LRRC37A2: variants seen among roughly 807,000 people sequenced by gnomAD.
LRRC37A2 encodes leucine rich repeat containing 37 member A2, also known as leucine-rich repeat-containing protein 37A2.
A neutral mutation model predicts 68.8 loss-of-function variants in LRRC37A2; 9 were observed. The ratio of observed to expected loss-of-function variants is 0.13; its 90% confidence interval spans 0.08 to 0.23. LRRC37A2 has a LOEUF of 0.23. LRRC37A2 is among the 10% of genes least tolerant of loss of function. The probability of loss-of-function intolerance (pLI) is 1.00; values close to 1 mark genes in which losing one functional copy is unlikely to be tolerated. For missense variants in LRRC37A2, 168 were observed against 950.4 expected (o/e 0.18, Z 10.82); for synonymous variants, 63 against 367.6 (o/e 0.17, Z 9.48).
the LRRC37A2 span, among the ~76,000 whole-genome samples, chr17:46,605,189 C>T: frequency 1.2e-4 from 8 of 69,430 alleles, no homozygotes; most frequent in African/African-American, 2.9e-4. Context: ...TGGTGGCTCA[C>T]GCCTGTAATC....
chr17:46,863,368 G>C, the LRRC37A2 span, among the ~76,000 whole-genome samples: 13 of 152,232 alleles, frequency 8.5e-5, no homozygotes, highest in South Asian at 2.1e-4. Flanking sequence ...TGCTTGGGAG[G>C]AGCACGCATC....
chr17:46,760,633 C>CAA, the LRRC37A2 span, among the ~76,000 whole-genome samples: 41 of 61,228 alleles, frequency 6.7e-4, no homozygotes, highest in South Asian at 6.7e-3. Flanking sequence ...GACCCTATCT[C>CAA]AAAAAAAAAA....
At chr17:46,573,047 C>T in the LRRC37A2 span, among the ~76,000 whole-genome samples, 1 of 113,560 alleles carries the variant, frequency 8.8e-6, no homozygotes, top group African/African-American at 3.5e-5. Flanking sequence ...AAAGATGTCC[C>T]CTTAGCGGCT....
At chr17:47,018,512 T>G in the LRRC37A2 span, 4 of 1,521,322 alleles carry the variant, frequency 2.6e-6, no homozygotes, top group Admixed American at 6.7e-5. Context: ...AGGCTACAGC[T>G]CAGCTCTCAG....
chr17:46,722,455 G>C, the LRRC37A2 span, among the ~76,000 whole-genome samples: 2 of 152,060 alleles, frequency 1.3e-5, no homozygotes, highest in Non-Finnish European at 2.9e-5. Context: ...TACTTTTCTC[G>C]CATCTTTCTT....
chr17:46,500,901 C>T, the LRRC37A2 span, among the ~76,000 whole-genome samples: 2 of 151,106 alleles, frequency 1.3e-5, no homozygotes, highest in Non-Finnish European at 2.9e-5. Flanking sequence ...AGTTCTGGGC[C>T]GGGCACTGTG....
chr17:46,798,140 G>T, the LRRC37A2 span, among the ~76,000 whole-genome samples: 1 of 152,176 alleles, frequency 6.6e-6, no homozygotes, highest in South Asian at 2.1e-4. Flanking sequence ...TGTTGGCCAG[G>T]CTGGTCTCGA....
chr17:47,000,086 T>TAAAATAAAATAAAATAAAAATAA, the LRRC37A2 span, among the ~76,000 whole-genome samples: 3 of 11,546 alleles, frequency 2.6e-4, no homozygotes, highest in East Asian at 6.3e-3. Flanking sequence ...AAAAATAAAA[T>TAAAATAAAATAAAATAAAAATAA]AAAATAAAAT....
chr17:46,549,081 G>A lies in LRRC37A2; in HGVS notation c.3942G>A (p.Val1314=), dbSNP rs772623942. 14 of 1,611,984 alleles carry A rather than the reference G, an allele frequency of 8.7e-6. No individual in the cohort carries two copies. In the East Asian group the frequency reaches 3.1e-4, roughly 36 times the overall value. Residue 1314 remains valine (V), a synonymous_variant, in exon 10 of 15, where the codon GTG becomes GTA. Transcript: ENST00000576629. ...GCTTTCACAAAACTCGCTCCCACGT[G>A]ACCCACAGAACACCCAAAGTCAAAA...
At chr17:46,782,975 T>C in the LRRC37A2 span, among the ~76,000 whole-genome samples, 1 of 152,182 alleles carries the variant, frequency 6.6e-6, no homozygotes, top group Non-Finnish European at 1.5e-5. Flanking sequence ...CCTGTGGCTG[T>C]GGGAGAGCGC....
the LRRC37A2 span, among the ~76,000 whole-genome samples, chr17:46,898,856 G>A: frequency 6.6e-6 from 1 of 152,342 alleles, no homozygotes; most frequent in South Asian, 2.1e-4. Context: ...CGGTCTGGCA[G>A]TTCCTCAAAA....
the LRRC37A2 span, among the ~76,000 whole-genome samples, chr17:46,745,028 G>T: frequency 1.6e-5 from 2 of 126,874 alleles, no homozygotes; most frequent in African/African-American, 6.1e-5. Flanking sequence ...TCCCAAATAG[G>T]TTATCACTCT....
At chr17:46,856,533 G>A in the LRRC37A2 span, among the ~76,000 whole-genome samples, 1 of 149,812 alleles carries the variant, frequency 6.7e-6, no homozygotes, top group Non-Finnish European at 1.5e-5. Flanking sequence ...CGCCCAGGCT[G>A]GAATGCAGTG....
chr17:47,024,045 TC>T, the LRRC37A2 span, among the ~76,000 whole-genome samples: 7 of 152,208 alleles, frequency 4.6e-5, no homozygotes, highest in Non-Finnish European at 7.3e-5. Context: ...TACATGGGTA[TC>T]TGCTTTATAA....
At chr17:46,919,254 A>C in the LRRC37A2 span, among the ~76,000 whole-genome samples, 2 of 152,252 alleles carry the variant, frequency 1.3e-5, no homozygotes, top group Non-Finnish European at 2.9e-5. Context: ...AAAACGTTCT[A>C]GTAAAATGAA....
the LRRC37A2 span, chr17:46,940,671 G>C: frequency 1.1e-5 from 18 of 1,612,890 alleles, no homozygotes; most frequent in Non-Finnish European, 1.5e-5. Context: ...TGCGTGGACT[G>C]ATAGGACATC....
the LRRC37A2 span, among the ~76,000 whole-genome samples, chr17:47,023,227 ATTGTT>A: frequency 1.3e-5 from 2 of 152,118 alleles, no homozygotes; most frequent in Non-Finnish European, 2.9e-5. Context: ...TTCCTGTTGA[ATTGTT>A]TTATCATTTT....
the LRRC37A2 span, among the ~76,000 whole-genome samples, chr17:46,794,185 A>G: frequency 6.6e-6 from 1 of 151,816 alleles, no homozygotes; most frequent in Non-Finnish European, 1.5e-5. Flanking sequence ...AAACCACAAG[A>G]CCTCAGGGGA....
the LRRC37A2 span, among the ~76,000 whole-genome samples, chr17:46,625,692 G>A: frequency 1.3e-5 from 1 of 76,930 alleles, no homozygotes. Context: ...AAAAAAATAC[G>A]TATAGAAACA....
Sources: allele counts gnomAD v4.1 joint callset (sites outside exome capture counted in the v4.1 genomes callset), GRCh38; gene constraint gnomAD v4.1.1; transcripts MANE v1.5; gene names NCBI Gene and HGNC (gene_info 2026-07-23, HGNC 2026-07-21).